The following DACH2 variants were observed in gnomAD, a reference collection of about 807,000 sequenced individuals.
DACH2 encodes the protein dachshund family transcription factor 2, also known as dachshund homolog 2.
DACH2 carries 17 observed loss-of-function variants against 35.8 expected under a neutral mutation model. That is an observed-to-expected ratio of 0.48 (90% CI 0.33 to 0.71). DACH2 has a LOEUF of 0.71. Among genes scored for constraint, DACH2 ranks in the 30% least tolerant of loss-of-function variants. The probability of loss-of-function intolerance (pLI) is 0.02; values close to 1 mark genes in which losing one functional copy is unlikely to be tolerated. For missense variants in DACH2, 469 were observed against 472.7 expected (o/e 0.99, Z 0.07); for synonymous variants, 195 against 177.3 (o/e 1.10, Z -0.79).
chrX:86,370,451 A>C (rs1481939325), intron 1 of DACH2, among the ~76,000 whole-genome samples: 1 of 111,814 alleles, frequency 8.9e-6, no homozygotes, highest in Non-Finnish European at 1.9e-5. Flanking sequence ...TTCTGAACAC[A>C]CAATAGCAGG....
At chrX:86,556,829 G>A (rs5922263) in intron 3 of DACH2, among the ~76,000 whole-genome samples, 11,812 of 77,656 alleles carry the variant, frequency 0.15, 1,067 homozygotes, top group Non-Finnish European at 0.21. Context: ...GAGAGAGAGA[G>A]AAGAAGAAAT....
intron 2 of DACH2, among the ~76,000 whole-genome samples, chrX:86,404,119 T>C (rs2036483606): frequency 9.0e-6 from 1 of 110,794 alleles, no homozygotes; most frequent in African/African-American, 3.3e-5. Context: ...GGAACTACCA[T>C]TCAAGATGAG....
At chrX:86,176,803 T>A (rs910186989) in intron 1 of DACH2, among the ~76,000 whole-genome samples, 4 of 111,920 alleles carry the variant, frequency 3.6e-5, no homozygotes. Flanking sequence ...TGAATATATT[T>A]GCTTTACATC....
chrX:86,446,116 T>G (rs1410068657), intron 2 of DACH2, among the ~76,000 whole-genome samples: 1 of 110,930 alleles, frequency 9.0e-6, no homozygotes, highest in Non-Finnish European at 1.9e-5. Context: ...CTTTTTTGTC[T>G]CTGTATGGTT....
At chrX:86,257,056 A>C (rs2033534093) in intron 1 of DACH2, among the ~76,000 whole-genome samples, 2 of 111,724 alleles carry the variant, frequency 1.8e-5, no homozygotes, top group Non-Finnish European at 3.8e-5. Flanking sequence ...TCTTTTTTTC[A>C]CTTAACATTG....
chrX:86,298,052 A>T (rs2034503098), intron 1 of DACH2, among the ~76,000 whole-genome samples: 1 of 111,964 alleles, frequency 8.9e-6, no homozygotes, highest in African/African-American at 3.2e-5. Flanking sequence ...TGTATAAATG[A>T]ATTGGTTTCC....
chrX:86,726,825 T>A (rs2041475029), intron 6 of DACH2, among the ~76,000 whole-genome samples: 1 of 111,936 alleles, frequency 8.9e-6, no homozygotes, highest in South Asian at 3.8e-4. Flanking sequence ...TTTTTCCCCA[T>A]GTCCAGGAGC....
chrX:86,264,864 A>G (rs1360065558), intron 1 of DACH2, among the ~76,000 whole-genome samples: 2 of 111,277 alleles, frequency 1.8e-5, no homozygotes, highest in African/African-American at 3.3e-5. Flanking sequence ...AGGCCAATCA[A>G]TTGATTTCTT....
At chrX:86,493,337 G>A (rs2038121370) in intron 2 of DACH2, among the ~76,000 whole-genome samples, 1 of 111,333 alleles carries the variant, frequency 9.0e-6, no homozygotes, top group African/African-American at 3.3e-5. Context: ...GGAGTTTTGA[G>A]TTTAACTCAA....
At chrX:86,610,830 G>T (rs1308540653) in intron 3 of DACH2, among the ~76,000 whole-genome samples, 1 of 110,981 alleles carries the variant, frequency 9.0e-6, no homozygotes, top group Admixed American at 9.6e-5. Context: ...TTCTGGCCCA[G>T]GGCAGGTCCA....
chrX:86,585,404 A>C (rs1285904835), intron 3 of DACH2, among the ~76,000 whole-genome samples: 1 of 111,139 alleles, frequency 9.0e-6, no homozygotes, highest in Non-Finnish European at 1.9e-5. Flanking sequence ...ATTATCATTT[A>C]ACTTTTATTT....
At chrX:86,181,673 T>C (rs745449551) in intron 1 of DACH2, among the ~76,000 whole-genome samples, 6 of 111,551 alleles carry the variant, frequency 5.4e-5, no homozygotes, top group Non-Finnish European at 9.4e-5. Flanking sequence ...TATAGTAGAG[T>C]GATTTATAAT....
At chrX:86,510,371 TTCTC>T (rs1467384804) in intron 2 of DACH2, among the ~76,000 whole-genome samples, 1 of 112,286 alleles carries the variant, frequency 8.9e-6, no homozygotes, top group African/African-American at 3.2e-5. Context: ...CTTGCTGAAA[TTCTC>T]TCTTAGGGAA....
intron 6 of DACH2, among the ~76,000 whole-genome samples, chrX:86,736,293 G>T (rs1048079521): frequency 1.8e-5 from 2 of 110,898 alleles, no homozygotes; most frequent in Admixed American, 1.9e-4. Flanking sequence ...GATCGAATTT[G>T]GTAAGTACAG....
intron 4 of DACH2, among the ~76,000 whole-genome samples, chrX:86,665,106 A>G (rs2040651682): frequency 8.9e-6 from 1 of 112,038 alleles, no homozygotes; most frequent in Non-Finnish European, 1.9e-5. Context: ...TTCAATAAAC[A>G]TAAGGAAACA....
At chrX:86,347,962 T>C (rs1198532630) in intron 1 of DACH2, among the ~76,000 whole-genome samples, 1 of 112,163 alleles carries the variant, frequency 8.9e-6, no homozygotes, top group African/African-American at 3.2e-5. Flanking sequence ...TGTTAAGTAT[T>C]GATACTTAAG....
chrX:86,471,947 C>A (rs574600076), intron 2 of DACH2, among the ~76,000 whole-genome samples: 1 of 111,786 alleles, frequency 8.9e-6, no homozygotes, highest in Middle Eastern at 4.7e-3. Context: ...CTCAATTGAA[C>A]AATTCCAAAA....
chrX:86,478,529 CTTTT>C (rs2037884033), intron 2 of DACH2, among the ~76,000 whole-genome samples: 1 of 101,211 alleles, frequency 9.9e-6, no homozygotes, highest in Non-Finnish European at 2.0e-5. Flanking sequence ...TAGTTTTTTT[CTTTT>C]TTGTTTTTCT....
At chrX:86,410,133 G>A (rs939879932) in intron 2 of DACH2, among the ~76,000 whole-genome samples, 4 of 112,043 alleles carry the variant, frequency 3.6e-5, no homozygotes, top group African/African-American at 1.3e-4. Context: ...AACTTGCACC[G>A]TTAATAGCAA....
Sources: allele counts gnomAD v4.1 joint callset (sites outside exome capture counted in the v4.1 genomes callset), GRCh38; gene constraint gnomAD v4.1.1; transcripts MANE v1.5; gene names NCBI Gene and HGNC (gene_info 2026-07-23, HGNC 2026-07-21).